The following EPM2A variants were observed in gnomAD, a reference collection of about 807,000 sequenced individuals.
EPM2A encodes laforin.
Under a neutral mutation model 26.5 loss-of-function variants are expected in EPM2A, and 21 were observed. The observed-to-expected ratio is 0.79, with a 90% CI of 0.56 to 1.14. The LOEUF (loss-of-function observed/expected upper bound fraction) is 1.14. Among genes scored for constraint, EPM2A ranks in the 50% most tolerant of loss-of-function variants. The pLI is 0.00. For synonymous variants in EPM2A, 217 were observed against 177.6 expected (o/e 1.22, Z -1.76); for missense variants, 458 against 440.8 (o/e 1.04, Z -0.35).
chr6:145,693,117 G>C (rs1363495057), intron 1 of EPM2A, among the ~76,000 whole-genome samples: 1 of 151,958 alleles, frequency 6.6e-6, no homozygotes, highest in Non-Finnish European at 1.5e-5. Context: ...TCTTGTTGCA[G>C]AATTCTTTCA....
chr6:145,519,945 C>T lies in EPM2A; in HGVS notation c.341-17370G>A, dbSNP rs78941586. On this transcript the variant is annotated intron_variant, in intron 2 of 3. Transcript: ENST00000450221. ...CACAAAACTATCCCAAAGGACATGA[C>T]CTCAACCAGTATAATACAAAATTTT... Among the ~76,000 whole-genome samples, 1,315 of 152,226 alleles carry T rather than the reference C, an allele frequency of 8.6e-3. 12 individuals are homozygous for T. The highest frequency in any genetic ancestry group is 0.03 in the African/African-American group (1,260 of 41,502).
chr6:145,590,043 A>C (rs916548428), intron 2 of EPM2A, among the ~76,000 whole-genome samples: 19 of 152,168 alleles, frequency 1.2e-4, no homozygotes, highest in African/African-American at 4.6e-4. Flanking sequence ...AATACAGAGA[A>C]ATATTGCCAA....
intron 4 of EPM2A, among the ~76,000 whole-genome samples, chr6:145,414,935 C>G (rs192887124): frequency 3.9e-5 from 6 of 152,216 alleles, no homozygotes; most frequent in African/African-American, 1.2e-4. Flanking sequence ...ATTTTTAAAC[C>G]ATTTTTCTTC....
At chr6:145,489,680 C>T in intron 4 of EPM2A, 2 of 1,375,748 alleles carry the variant, frequency 1.5e-6, no homozygotes, top group African/African-American at 1.4e-5. Flanking sequence ...GCCTTTTCAG[C>T]TTCAGAATCC....
intron 2 of EPM2A, among the ~76,000 whole-genome samples, chr6:145,663,276 C>A (rs974845518): frequency 6.6e-6 from 1 of 152,128 alleles, no homozygotes; most frequent in Admixed American, 6.6e-5. Context: ...CGAATAGGAA[C>A]AGCTCCAGTC....
chr6:145,391,910 C>T (rs1186324087), intron 4 of EPM2A, among the ~76,000 whole-genome samples: 1 of 151,314 alleles, frequency 6.6e-6, no homozygotes, highest in African/African-American at 2.4e-5. Context: ...GGCCCTGGGT[C>T]TTAGGTGGGG....
intron 4 of EPM2A, among the ~76,000 whole-genome samples, chr6:145,476,969 GA>G (rs1779551010): frequency 1.3e-5 from 2 of 151,580 alleles, no homozygotes; most frequent in African/African-American, 4.8e-5. Flanking sequence ...AAATAAAATT[GA>G]AATGGAAAAA....
At position 145,568,322 on chromosome 6, in the gene EPM2A, C is replaced by CTT. The variant is rs35034106; in HGVS notation, c.341-65749_341-65748dup. Among the ~76,000 whole-genome samples the CTT allele has an allele frequency of 2.9e-5, 4 of 140,086 alleles. No individual in the cohort carries two copies. In the East Asian group the frequency reaches 6.3e-4, roughly 22 times the overall value. 91.9% of individuals were successfully genotyped at this position (140,086 alleles called of 152,430 possible). A position where few individuals can be genotyped will look rare whatever the true frequency, so the allele number is the denominator to read the frequency against. ...CAGAACAGTAACCCAGGACATCTGACTTTTTTTTTTTTTTTTTGACGGAGT... is the reference window on the plus strand; with the variant it reads ...CAGAACAGTAACCCAGGACATCTGACTTTTTTTTTTTTTTTTTTTGACGGAGT... On this transcript the variant is annotated intron_variant, in intron 2 of 3. Coordinates refer to the EPM2A transcript ENST00000450221.
At chr6:145,732,728 TAC>T (rs1348070046) in intron 1 of EPM2A, among the ~76,000 whole-genome samples, 1 of 152,186 alleles carries the variant, frequency 6.6e-6, no homozygotes, top group Non-Finnish European at 1.5e-5. Flanking sequence ...CTTGCAGTGG[TAC>T]AGTTTTCATG....
At chr6:145,571,806 CAG>C (rs1370614202) in intron 2 of EPM2A, among the ~76,000 whole-genome samples, 1 of 152,156 alleles carries the variant, frequency 6.6e-6, no homozygotes, top group East Asian at 1.9e-4. Flanking sequence ...TGGGCAATGA[CAG>C]GGGTGGCTGG....
At chr6:145,479,619 T>C (rs1779588598) in intron 4 of EPM2A, among the ~76,000 whole-genome samples, 1 of 152,090 alleles carries the variant, frequency 6.6e-6, no homozygotes, top group African/African-American at 2.4e-5. Context: ...TTACTTTTTA[T>C]GGCTCTATAT....
chr6:145,531,896 T>C (rs1780361367), intron 2 of EPM2A, among the ~76,000 whole-genome samples: 1 of 152,212 alleles, frequency 6.6e-6, no homozygotes, highest in Non-Finnish European at 1.5e-5. Context: ...TAAGCTCATC[T>C]TCTAAATCTG....
intron 1 of EPM2A, among the ~76,000 whole-genome samples, chr6:145,718,358 A>C (rs1775758956): frequency 6.7e-6 from 1 of 149,026 alleles, no homozygotes; most frequent in Non-Finnish European, 1.5e-5. Context: ...GAGAAAAACA[A>C]GCAATGGGGA....
chr6:145,544,173 A>G (rs1780551518), intron 2 of EPM2A, among the ~76,000 whole-genome samples: 1 of 152,148 alleles, frequency 6.6e-6, no homozygotes, highest in African/African-American at 2.4e-5. Flanking sequence ...CTGATGAATG[A>G]GTCAGAAGTG....
intron 1 of EPM2A, among the ~76,000 whole-genome samples, chr6:145,729,861 C>A (rs1254410985): frequency 6.6e-6 from 1 of 152,132 alleles, no homozygotes; most frequent in Admixed American, 6.5e-5. Flanking sequence ...TGTGTCCCTG[C>A]CCAAATCTCA....
At chr6:145,423,320 T>C (rs73559141) in intron 4 of EPM2A, among the ~76,000 whole-genome samples, 2,473 of 152,284 alleles carry the variant, frequency 0.016, 59 homozygotes, top group African/African-American at 0.056. Context: ...TTTGTTTATA[T>C]TGTCTTTTCC....
chr6:145,441,682 T>C (rs1461014070), intron 4 of EPM2A, among the ~76,000 whole-genome samples: 1 of 151,942 alleles, frequency 6.6e-6, no homozygotes, highest in Non-Finnish European at 1.5e-5. Flanking sequence ...TGGTCAACAG[T>C]AAAACCCTGT....
chr6:145,465,968 C>A (rs369031185), intron 4 of EPM2A, among the ~76,000 whole-genome samples: 6,450 of 151,948 alleles, frequency 0.042, 210 homozygotes, highest in African/African-American at 0.088. Flanking sequence ...CCTTCCTTAC[C>A]CCTTATACAA....
In EPM2A at chr6:145,626,093, A is replaced by C; in HGVS notation, c.*1323T>G. 9.2e-7 allele frequency: 1 copy of C among 1,089,646 alleles called. No homozygotes were observed. Among genetic ancestry groups the C allele is most frequent in the Non-Finnish European group, 1.1e-6 (1 of 892,074 alleles). The allele number at this position is 1,089,646 out of a possible 1,614,324, so 67.5% of individuals were successfully genotyped here. On this transcript the variant is annotated 3_prime_UTR_variant, in exon 4 of 4. Coordinates refer to ENST00000367519, the MANE Select transcript of EPM2A (RefSeq NM_005670.4). ...TGAAGATTAAACTGGATATGATTAT[A>C]TATCACCTTGCACATAGAGGCTCTC...
Sources: gnomAD v4.1 joint callset for allele counts (sites outside exome capture counted in the v4.1 genomes callset) on GRCh38, gnomAD v4.1.1 for gene constraint, MANE v1.5 for transcripts, NCBI Gene and HGNC (gene_info 2026-07-23, HGNC 2026-07-21) for gene names.